The following EPM2A variants were observed in gnomAD, a reference collection of about 807,000 sequenced individuals.
The protein encoded by EPM2A is EPM2A glucan phosphatase, laforin, also known as laforin.
A neutral mutation model predicts 26.5 loss-of-function variants in EPM2A; 21 were observed. The observed-to-expected ratio is 0.79, with a 90% CI of 0.56 to 1.14. The LOEUF (loss-of-function observed/expected upper bound fraction) is 1.14, where lower values mean the gene tolerates loss of function less well. EPM2A is among the 50% of genes most tolerant of loss of function. The probability of loss-of-function intolerance (pLI) is 0.00; values close to 1 mark genes in which losing one functional copy is unlikely to be tolerated. For missense variants in EPM2A, 458 were observed against 440.8 expected, an observed-to-expected ratio of 1.04 and a Z score of -0.35; for synonymous variants, 217 against 177.6, an observed-to-expected ratio of 1.22 and a Z score of -1.76.
intron 2 of EPM2A, among the ~76,000 whole-genome samples, chr6:145,614,385 A>G (rs550841696): frequency 6.6e-6 from 1 of 152,336 alleles, no homozygotes; most frequent in East Asian, 1.9e-4. Context: ...TTCTTACTAT[A>G]TCTGTGTATT....
intron 2 of EPM2A, among the ~76,000 whole-genome samples, chr6:145,583,733 G>A (rs1238957998): frequency 1.3e-5 from 2 of 152,238 alleles, no homozygotes; most frequent in African/African-American, 4.8e-5. Flanking sequence ...ACGCATCCAT[G>A]CATGCATTCA....
intron 2 of EPM2A, among the ~76,000 whole-genome samples, chr6:145,558,479 T>A (rs1362626381): frequency 6.6e-6 from 1 of 152,098 alleles, no homozygotes; most frequent in Non-Finnish European, 1.5e-5. Context: ...GGTAGTTCTA[T>A]TTTTAATTTT....
At chr6:145,517,764 T>C (rs17724611) in intron 2 of EPM2A, among the ~76,000 whole-genome samples, 12,875 of 152,152 alleles carry the variant, frequency 0.085, 645 homozygotes, top group East Asian at 0.17. Flanking sequence ...AAGATGCACA[T>C]TAACATTTTT....
At chr6:145,532,628 C>T (rs1780374332) in intron 2 of EPM2A, among the ~76,000 whole-genome samples, 1 of 152,154 alleles carries the variant, frequency 6.6e-6, no homozygotes, top group Admixed American at 6.5e-5. Flanking sequence ...ACAGCACTCT[C>T]CTTGGAGTCT....
intron 2 of EPM2A, among the ~76,000 whole-genome samples, chr6:145,508,794 AAAGAAACTCAACAAGATAC>A (rs1343618726): frequency 6.6e-6 from 1 of 152,252 alleles, no homozygotes; most frequent in Non-Finnish European, 1.5e-5. Flanking sequence ...TGTGGATGGC[AAAGAAACTCAACAAGATAC>A]AAGAGATAAG....
At position 145,683,298 on chromosome 6, in the gene EPM2A, TGTGTGTGTGA is replaced by T. The variant is rs1204457686; in HGVS notation, c.476+2814_476+2823del. Among the ~76,000 whole-genome samples, 196 of 149,788 alleles carry T rather than the reference TGTGTGTGTGA, an allele frequency of 1.3e-3. 1 individual carries two copies. The highest frequency in any genetic ancestry group is 4.1e-3 in the African/African-American group (166 of 40,976). ...GTGTGTGTGTGTGTGTGTGTGTGTG[TGTGTGTGTGA>T]GTGTGTATATATTAGATTATATATT... is the stretch of plus-strand genomic sequence containing the variant. On this transcript the variant is annotated intron_variant, in intron 2 of 3. Coordinates refer to ENST00000367519, the MANE Select transcript of EPM2A (RefSeq NM_005670.4).
chr6:145,607,308 A>G (rs978675113), intron 2 of EPM2A, among the ~76,000 whole-genome samples: 1 of 152,156 alleles, frequency 6.6e-6, no homozygotes, highest in Non-Finnish European at 1.5e-5. Flanking sequence ...GGAGCTTGGG[A>G]CAGATTTGTC....
intron 2 of EPM2A, among the ~76,000 whole-genome samples, chr6:145,547,828 A>G (rs541338464): frequency 6.6e-6 from 1 of 152,144 alleles, no homozygotes; most frequent in Non-Finnish European, 1.5e-5. Flanking sequence ...GTGGTGATCC[A>G]CAGACACTAC....
intron 4 of EPM2A, among the ~76,000 whole-genome samples, chr6:145,401,782 A>T (rs1162088235): frequency 6.6e-6 from 1 of 152,180 alleles, no homozygotes; most frequent in African/African-American, 2.4e-5. Context: ...TTAAAGAATG[A>T]TCATGGCAAG....
intron 2 of EPM2A, among the ~76,000 whole-genome samples, chr6:145,564,254 A>G (rs945912708): frequency 6.6e-6 from 1 of 152,248 alleles, no homozygotes; most frequent in Admixed American, 6.5e-5. Context: ...TCATATATAA[A>G]TACATACATG....
chr6:145,627,254 A>G lies in EPM2A; in HGVS notation c.*162T>C. ...AGAGTATTTCAAAAATACAGCCCCA[A>G]AACAAAGCATAATCGAAAGTCATCC... On this transcript the variant is annotated 3_prime_UTR_variant, in exon 4 of 4. Transcript: ENST00000367519. 6.5e-7 allele frequency: 1 copy of G among 1,531,814 alleles called. No individual in the cohort carries two copies. The highest frequency in any genetic ancestry group is 8.7e-7 in the Non-Finnish European group (1 of 1,151,724). 94.9% of individuals were successfully genotyped at this position (1,531,814 alleles called of 1,614,324 possible). A position where few individuals can be genotyped will look rare whatever the true frequency, so the allele number is the denominator to read the frequency against.
chr6:145,606,100 A>G (rs1775250998), intron 2 of EPM2A, among the ~76,000 whole-genome samples: 1 of 152,170 alleles, frequency 6.6e-6, no homozygotes, highest in South Asian at 2.1e-4. Flanking sequence ...CATTTCACCA[A>G]AGAGAAAAAC....
chr6:145,601,566 C>A (rs1781417080), intron 2 of EPM2A, among the ~76,000 whole-genome samples: 1 of 152,148 alleles, frequency 6.6e-6, no homozygotes, highest in Non-Finnish European at 1.5e-5. Context: ...ATGTGCATTT[C>A]CCAACTAAGT....
chr6:145,469,865 TACA>T (rs1401403376), intron 4 of EPM2A, among the ~76,000 whole-genome samples: 1 of 152,144 alleles, frequency 6.6e-6, no homozygotes, highest in Non-Finnish European at 1.5e-5. Context: ...TTCTGTTATT[TACA>T]ACATCATGGA....
intron 3 of EPM2A, chr6:145,633,649 C>A (rs1014656607): frequency 6.6e-6 from 1 of 152,208 alleles, no homozygotes; most frequent in African/African-American, 2.4e-5. Flanking sequence ...GGTCCAGAAA[C>A]GTAGATTTCC....
chr6:145,537,063 G>A (rs927873122), intron 2 of EPM2A, among the ~76,000 whole-genome samples: 2 of 152,278 alleles, frequency 1.3e-5, no homozygotes, highest in South Asian at 4.1e-4. Context: ...ACAAAAATTA[G>A]GGAAGCCATC....
intron 2 of EPM2A, among the ~76,000 whole-genome samples, chr6:145,539,656 G>A (rs1780480564): frequency 6.6e-6 from 1 of 152,094 alleles, no homozygotes; most frequent in South Asian, 2.1e-4. Context: ...AATTGATGAA[G>A]GGACTATAGT....
At chr6:145,428,500 T>C (rs1465097849) in intron 4 of EPM2A, among the ~76,000 whole-genome samples, 1 of 152,220 alleles carries the variant, frequency 6.6e-6, no homozygotes, top group Non-Finnish European at 1.5e-5. Context: ...TCTCATTCAA[T>C]AAGCACTAGC....
chr6:145,644,096 T>C (rs947331769), intron 2 of EPM2A, among the ~76,000 whole-genome samples: 4 of 152,190 alleles, frequency 2.6e-5, no homozygotes, highest in Non-Finnish European at 5.9e-5. Context: ...ATTATCATAT[T>C]ATTATACATT....
Sources: allele counts gnomAD v4.1 joint callset (sites outside exome capture counted in the v4.1 genomes callset), GRCh38; gene constraint gnomAD v4.1.1; transcripts MANE v1.5; gene names NCBI Gene and HGNC (gene_info 2026-07-23, HGNC 2026-07-21).